Variants in ACYP2 observed in about 807,000 individuals in gnomAD.
ACYP2 encodes the protein acylphosphatase 2.
In ACYP2, 12 loss-of-function variants were observed where a neutral mutation model predicts 11.2. The ratio of observed to expected loss-of-function variants is 1.08; its 90% CI spans 0.69 to 1.74. The LOEUF is 1.74. Among genes scored for constraint, ACYP2 ranks in the 40% most tolerant of loss-of-function variants. The probability of loss-of-function intolerance (pLI) is 0.00; values close to 1 mark genes in which losing one functional copy is unlikely to be tolerated. For missense variants in ACYP2, 134 were observed against 101.9 expected (o/e 1.31, Z -1.35); for synonymous variants, 43 against 32.2 (o/e 1.33, Z -1.13).
chr2:54,034,458 C>T (rs1489821788), intron 2 of ACYP2, among the ~76,000 whole-genome samples: 2 of 152,094 alleles, frequency 1.3e-5, no homozygotes, highest in Admixed American at 6.6e-5. Context: ...GTTACAGTTG[C>T]GTACAGTATT....
chr2:54,045,432 G>A (rs1025531043), intron 2 of ACYP2, among the ~76,000 whole-genome samples: 1 of 152,192 alleles, frequency 6.6e-6, no homozygotes, highest in African/African-American at 2.4e-5. Context: ...TCTTATAACA[G>A]TGTTTTGTTT....
intron 4 of ACYP2, among the ~76,000 whole-genome samples, chr2:54,088,978 T>G (rs962700903): frequency 3.3e-5 from 5 of 152,164 alleles, no homozygotes; most frequent in African/African-American, 1.2e-4. Context: ...TAGATAAGAC[T>G]ATTAGATAAG....
intron 6 of ACYP2, among the ~76,000 whole-genome samples, chr2:54,290,173 GGCTGCC>G (rs1183547831): frequency 6.6e-6 from 1 of 152,046 alleles, no homozygotes; most frequent in Non-Finnish European, 1.5e-5. Flanking sequence ...GTGGGTGCCC[GGCTGCC>G]GCCGCCCCGC....
At chr2:54,140,078 G>A (rs1681518129) in intron 6 of ACYP2, among the ~76,000 whole-genome samples, 1 of 152,092 alleles carries the variant, frequency 6.6e-6, no homozygotes. Flanking sequence ...TTGAAAAGTG[G>A]GGTCCAAAAG....
chr2:54,057,461 A>T lies in ACYP2; in HGVS notation c.277+101A>T, dbSNP rs76745040. 3.5e-3 allele frequency: 1,372 copies of T among 391,210 alleles called. 17 individuals are homozygous for T. The highest frequency in any genetic ancestry group is 0.031 in the East Asian group (865 of 27,628). The allele number at this position is 391,210 out of a possible 1,614,324, so 24.2% of individuals were successfully genotyped here. ...AATTAGCCTCAGGATGGCAGAACTT[A>T]TCTGTTAGAGACATTTTGAGGGAAA... is the stretch of plus-strand genomic sequence containing the variant. On this transcript the variant is annotated intron_variant, in intron 4 of 6. Transcript: ENST00000607452.
intron 2 of ACYP2, among the ~76,000 whole-genome samples, chr2:54,040,959 G>A (rs1675189847): frequency 6.6e-6 from 1 of 152,174 alleles, no homozygotes; most frequent in Non-Finnish European, 1.5e-5. Flanking sequence ...AAAGATCCAG[G>A]GGAAAGGGAT....
intron 4 of ACYP2, among the ~76,000 whole-genome samples, chr2:54,127,648 T>C (rs1680614686): frequency 6.7e-6 from 1 of 150,230 alleles, no homozygotes; most frequent in Non-Finnish European, 1.5e-5. Flanking sequence ...CTCTAGAGGC[T>C]GAGGCCGGAG....
intron 6 of ACYP2, among the ~76,000 whole-genome samples, chr2:54,193,170 C>T (rs931368902): frequency 1.3e-5 from 2 of 152,150 alleles, no homozygotes; most frequent in African/African-American, 4.8e-5. Context: ...TGTTAACTGT[C>T]CTTTTAAAGA....
At chr2:54,263,620 G>A (rs1687876855) in intron 6 of ACYP2, among the ~76,000 whole-genome samples, 1 of 148,566 alleles carries the variant, frequency 6.7e-6, no homozygotes, top group African/African-American at 2.5e-5. Flanking sequence ...GACACACCCT[G>A]TCGAAAAAAA....
intron 4 of ACYP2, chr2:54,082,787 T>G (rs1035329240): frequency 6.6e-6 from 1 of 151,944 alleles, no homozygotes; most frequent in Non-Finnish European, 1.5e-5. Flanking sequence ...GACTGAGAAG[T>G]GGTCATGGCC....
chr2:54,033,477 A>G (rs2104556250), intron 2 of ACYP2, among the ~76,000 whole-genome samples: 1 of 152,030 alleles, frequency 6.6e-6, no homozygotes, highest in African/African-American at 2.4e-5. Context: ...CCTCCCAGTG[A>G]ATTAAGATTA....
At chr2:54,100,388 A>C (rs1191017818) in intron 4 of ACYP2, among the ~76,000 whole-genome samples, 1 of 150,896 alleles carries the variant, frequency 6.6e-6, no homozygotes, top group East Asian at 1.9e-4. Context: ...CTGAAGCCTC[A>C]ACCTCTGCGG....
chr2:54,201,238 A>T (rs972978760), intron 6 of ACYP2, among the ~76,000 whole-genome samples: 44 of 151,822 alleles, frequency 2.9e-4, no homozygotes, highest in South Asian at 1.5e-3. Flanking sequence ...CCCGAGTAGC[A>T]GGGACCATAG....
chr2:53,996,335 C>T (rs906373436), intron 2 of ACYP2, among the ~76,000 whole-genome samples: 14 of 151,972 alleles, frequency 9.2e-5, no homozygotes, highest in African/African-American at 3.4e-4. Flanking sequence ...TGGGGATGTA[C>T]ACCTATGAGA....
At chr2:54,127,467 C>G (rs1442025614) in intron 4 of ACYP2, among the ~76,000 whole-genome samples, 3 of 152,166 alleles carry the variant, frequency 2.0e-5, no homozygotes, top group Admixed American at 6.5e-5. Context: ...CGCAGTGACT[C>G]ACACCTGTAA....
At chr2:54,114,315 A>G (rs1162725650) in intron 4 of ACYP2, among the ~76,000 whole-genome samples, 6 of 151,124 alleles carry the variant, frequency 4.0e-5, no homozygotes, top group Admixed American at 2.0e-4. Context: ...ATAGCTCACC[A>G]GGAAATAAAA....
chr2:54,138,549 G>T (rs1681402872), intron 5 of ACYP2, 90 bp from the exon 3 acceptor site: 1 of 965,138 alleles, frequency 1.0e-6, no homozygotes. Flanking sequence ...TGATTATTAG[G>T]TTAGCATTTT....
intron 2 of ACYP2, among the ~76,000 whole-genome samples, chr2:53,996,189 T>A (rs945131572): frequency 1.3e-5 from 2 of 151,896 alleles, no homozygotes; most frequent in Non-Finnish European, 1.5e-5. Context: ...CTAGGCATAG[T>A]TGGTTCTAAG....
intron 6 of ACYP2, among the ~76,000 whole-genome samples, chr2:54,205,101 T>C (rs1317632258): frequency 2.6e-5 from 4 of 152,226 alleles, no homozygotes; most frequent in Admixed American, 2.6e-4. Context: ...CTCTCCATTC[T>C]GGTTTCCCTC....
Sources: allele counts gnomAD v4.1 joint callset (sites outside exome capture counted in the v4.1 genomes callset), GRCh38; gene constraint gnomAD v4.1.1; transcripts MANE v1.5; gene names NCBI Gene and HGNC (gene_info 2026-07-23, HGNC 2026-07-21).